The following MAMLD1 variants were observed in gnomAD, a reference collection of about 807,000 sequenced individuals.
The protein encoded by MAMLD1 is mastermind-like domain-containing protein 1.
Under a neutral mutation model 45.0 loss-of-function variants are expected in MAMLD1, and 14 were observed. The ratio of observed to expected loss-of-function variants is 0.31; its 90% CI spans 0.21 to 0.49. The LOEUF (loss-of-function observed/expected upper bound fraction) is 0.49. Among genes scored for constraint, MAMLD1 ranks in the 20% least tolerant of loss-of-function variants. The pLI is 0.99. For synonymous variants in MAMLD1, 254 were observed against 247.8 expected (o/e 1.02, Z -0.24); for missense variants, 543 against 603.6 (o/e 0.90, Z 1.05).
intron 1 of MAMLD1, among the ~76,000 whole-genome samples, chrX:150,369,510 G>T (rs1312685416): frequency 1.8e-5 from 2 of 112,515 alleles, no homozygotes; most frequent in African/African-American, 6.5e-5. Context: ...AGTGTGAAGT[G>T]TTCACCTTTT....
intron 5 of MAMLD1, among the ~76,000 whole-genome samples, chrX:150,499,419 G>T (rs1405953108): frequency 8.9e-6 from 1 of 111,897 alleles, no homozygotes. Context: ...TATAAAGCCA[G>T]AGCATTCATC....
intron 1 of MAMLD1, among the ~76,000 whole-genome samples, chrX:150,391,231 ATTAT>A (rs1256788239): frequency 9.0e-6 from 1 of 110,750 alleles, no homozygotes; most frequent in African/African-American, 3.3e-5. Context: ...ATTTTCAGCC[ATTAT>A]TTCTTTGACT....
chrX:150,451,543 A>G (rs782166913), intron 2 of MAMLD1, among the ~76,000 whole-genome samples: 12 of 111,889 alleles, frequency 1.1e-4, no homozygotes, highest in Admixed American at 3.8e-4. Flanking sequence ...TATTTGGGTT[A>G]TAAGCTACCC....
intron 5 of MAMLD1, among the ~76,000 whole-genome samples, chrX:150,475,072 G>T (rs1228001958): frequency 8.9e-6 from 1 of 112,375 alleles, no homozygotes; most frequent in Non-Finnish European, 1.9e-5. Context: ...AAGTTTTACT[G>T]ATGGCCAAGC....
intron 1 of MAMLD1, among the ~76,000 whole-genome samples, chrX:150,368,413 T>C (rs782244601): frequency 1.5e-3 from 171 of 111,037 alleles, no homozygotes; most frequent in Admixed American, 0.013. Context: ...GGTTGTTTTT[T>C]TTTTTTCTTG....
At chrX:150,402,514 C>A (rs113111029) in intron 1 of MAMLD1, among the ~76,000 whole-genome samples, 1 of 111,740 alleles carries the variant, frequency 8.9e-6, no homozygotes, top group African/African-American at 3.3e-5. Context: ...GTCAGTGTGG[C>A]GATTCCTCAG....
chrX:150,376,163 A>G (rs782133098), intron 1 of MAMLD1, among the ~76,000 whole-genome samples: 1 of 112,121 alleles, frequency 8.9e-6, no homozygotes, highest in South Asian at 3.7e-4. Flanking sequence ...GCATTTCTGA[A>G]TTCTCCAGTA....
intron 5 of MAMLD1, among the ~76,000 whole-genome samples, chrX:150,493,238 G>A (rs1557408047): frequency 1.8e-5 from 2 of 111,389 alleles, no homozygotes; most frequent in African/African-American, 3.3e-5. Context: ...GCTGAGCTAG[G>A]TACTTGCAGC....
intron 2 of MAMLD1, among the ~76,000 whole-genome samples, chrX:150,447,203 T>G (rs1197952486): frequency 8.9e-6 from 1 of 112,446 alleles, no homozygotes; most frequent in Non-Finnish European, 1.9e-5. Flanking sequence ...CTTTGTAAGC[T>G]TTGCCAAAAA....
intron 1 of MAMLD1, among the ~76,000 whole-genome samples, chrX:150,373,519 C>A (rs1403375312): frequency 9.0e-6 from 1 of 111,684 alleles, no homozygotes; most frequent in South Asian, 3.8e-4. Context: ...CACTCACACA[C>A]TCACCCTCTC....
At chrX:150,405,643 T>A (rs2033975176) in intron 1 of MAMLD1, among the ~76,000 whole-genome samples, 1 of 111,974 alleles carries the variant, frequency 8.9e-6, no homozygotes, top group Non-Finnish European at 1.9e-5. Flanking sequence ...GTTGTGATGT[T>A]ATATGTTTTC....
intron 1 of MAMLD1, among the ~76,000 whole-genome samples, chrX:150,402,227 AG>A (rs2033802573): frequency 9.1e-6 from 1 of 110,343 alleles, no homozygotes; most frequent in Non-Finnish European, 1.9e-5. Flanking sequence ...ATTTACAAGA[AG>A]AAAACAAACA....
intron 3 of MAMLD1, among the ~76,000 whole-genome samples, chrX:150,466,585 C>G (rs1170349932): frequency 5.3e-5 from 6 of 112,268 alleles, no homozygotes; most frequent in Non-Finnish European, 1.1e-4. Context: ...AGCTGTCCAG[C>G]CACAGACTTG....
chrX:150,411,973 G>A (rs1248350079), intron 1 of MAMLD1, among the ~76,000 whole-genome samples: 3 of 111,911 alleles, frequency 2.7e-5, no homozygotes, highest in Admixed American at 9.5e-5. Context: ...CCATATGATC[G>A]AGAACCATAT....
At chrX:150,398,302 GA>G (rs1569564563) in intron 1 of MAMLD1, among the ~76,000 whole-genome samples, 2 of 95,708 alleles carry the variant, frequency 2.1e-5, no homozygotes, top group African/African-American at 7.9e-5. Flanking sequence ...AGAAGAAGAA[GA>G]AGAAGAAGAA....
intron 1 of MAMLD1, among the ~76,000 whole-genome samples, chrX:150,405,068 T>C (rs1451280168): frequency 8.9e-6 from 1 of 112,324 alleles, no homozygotes; most frequent in African/African-American, 3.2e-5. Context: ...GGTTATATGG[T>C]GTACGTTTAA....
At chrX:150,450,628 C>T (rs1248003518) in intron 2 of MAMLD1, among the ~76,000 whole-genome samples, 2 of 111,244 alleles carry the variant, frequency 1.8e-5, no homozygotes, top group African/African-American at 6.6e-5. Context: ...TGGTTGTGCA[C>T]GTGTTCCAAA....
chrX:150,471,052 ACAGCAGCAG>A lies in MAMLD1; in HGVS notation c.1497_1505del (p.Gln500_Gln502del), dbSNP rs781802555. 1.7e-4 allele frequency: 210 copies of A among 1,207,868 alleles called. No individual in the cohort carries two copies. Among genetic ancestry groups the A allele is most frequent in the Middle Eastern group, 4.6e-4 (2 of 4,367 alleles). ...CCACCAGTAATCTTCTAAGCCAGCAACAGCAGCAGCAGCAGCAGCAGCAGCAAGCAAATG... is the reference window on the plus strand; with the variant it reads ...CCACCAGTAATCTTCTAAGCCAGCAACAGCAGCAGCAGCAGCAAGCAAATG... On this transcript the variant is annotated inframe_deletion, in exon 4 of 8. Coordinates refer to ENST00000370401, the MANE Select transcript of MAMLD1 (RefSeq NM_005491.5).
intron 1 of MAMLD1, among the ~76,000 whole-genome samples, chrX:150,444,781 T>G (rs2124599228): frequency 8.9e-6 from 1 of 112,171 alleles, no homozygotes; most frequent in South Asian, 3.7e-4. Flanking sequence ...TTACCTGGGT[T>G]TGCATATGTC....
Sources: gnomAD v4.1 joint callset for allele counts (sites outside exome capture counted in the v4.1 genomes callset) on GRCh38, gnomAD v4.1.1 for gene constraint, MANE v1.5 for transcripts, NCBI Gene and HGNC (gene_info 2026-07-23, HGNC 2026-07-21) for gene names.